The following WDR27 variants were observed in gnomAD, a reference collection of about 807,000 sequenced individuals.
WDR27 encodes WD repeat-containing protein 27.
Under a neutral mutation model 114.4 loss-of-function variants are expected in WDR27, and 100 were observed. That is an observed-to-expected ratio of 0.87 (90% confidence interval 0.74 to 1.03). WDR27 has a LOEUF of 1.03. Among genes scored for constraint, WDR27 ranks in the 50% least tolerant of loss-of-function variants. The pLI is 0.00. For synonymous variants in WDR27, 449 were observed against 423.1 expected, an observed-to-expected ratio of 1.06 and a Z score of -0.75; for missense variants, 1,129 against 1,092.9, an observed-to-expected ratio of 1.03 and a Z score of -0.47.
chr6:169,661,162 C>T lies in WDR27; in HGVS notation c.1026-396G>A, dbSNP rs374893444. 8.5e-5 allele frequency among the ~76,000 whole-genome samples: 13 copies of T among 152,358 alleles called. No homozygotes were observed. In the East Asian group the frequency reaches 1.5e-3, roughly 18 times the overall value. On this transcript the variant is annotated intron_variant, in intron 9 of 25. Transcript: ENST00000448612. ...GCATTTGTGGTGATCCCCTGGGCAC[C>T]TGCTAATGTCTGTGAAGACGCTCGC... is the stretch of plus-strand genomic sequence containing the variant.
chr6:169,627,412 T>C (rs1455114192), intron 21 of WDR27, among the ~76,000 whole-genome samples: 1 of 152,202 alleles, frequency 6.6e-6, no homozygotes, highest in African/African-American at 2.4e-5. Context: ...AGAATAAAGC[T>C]AAATGTAAAC....
At chr6:169,572,569 A>AAAAAT (rs1801634795) in intron 24 of WDR27, 29 bp from the exon 25 acceptor site, 1 of 144,654 alleles carries the variant, frequency 6.9e-6, no homozygotes, top group African/African-American at 2.5e-5. Flanking sequence ...AAAAAAAAAA[A>AAAAAT]TTAGAAGAAT....
At chr6:169,485,194 T>C (rs1788718590) in intron 25 of WDR27, among the ~76,000 whole-genome samples, 1 of 152,218 alleles carries the variant, frequency 6.6e-6, no homozygotes, top group South Asian at 2.1e-4. Flanking sequence ...CTAAGGAGCT[T>C]CTGCACAGCA....
chr6:169,694,995 CGGCCA>C (rs1269754987), intron 1 of WDR27, among the ~76,000 whole-genome samples: 1 of 152,198 alleles, frequency 6.6e-6, no homozygotes, highest in Non-Finnish European at 1.5e-5. Context: ...CACTGAGTCC[CGGCCA>C]GCAGAGGGAG....
intron 25 of WDR27, among the ~76,000 whole-genome samples, chr6:169,502,160 G>A (rs545422028): frequency 6.6e-6 from 1 of 152,226 alleles, no homozygotes; most frequent in South Asian, 2.1e-4. Flanking sequence ...AGGGAGGGCA[G>A]GAGAGCAGCA....
chr6:169,577,429 C>G (rs1343036394), intron 24 of WDR27, among the ~76,000 whole-genome samples: 2 of 150,604 alleles, frequency 1.3e-5, no homozygotes, highest in South Asian at 4.2e-4. Context: ...GGTATGGCTG[C>G]GTCGGGGGCC....
intron 25 of WDR27, among the ~76,000 whole-genome samples, chr6:169,555,739 A>G (rs1388742491): frequency 6.6e-6 from 1 of 152,190 alleles, no homozygotes; most frequent in Non-Finnish European, 1.5e-5. Flanking sequence ...ATAACTAATA[A>G]CAACCATACC....
In WDR27 at chr6:169,575,996, T is replaced by G. The variant is rs73790031; in HGVS notation, c.2524-3456A>C. ...TCTGCCATGCGTTCCTGAAGAAGCG[T>G]TGCTATTTCAGAGACGTGTCTGATA... On this transcript the variant is annotated intron_variant, in intron 24 of 25. Coordinates refer to ENST00000448612, the MANE Select transcript of WDR27 (RefSeq NM_182552.5). Among the ~76,000 whole-genome samples the G allele has an allele frequency of 7.9e-5, 12 of 152,346 alleles. No homozygotes were observed. The South Asian group carries it at 8.3e-4, about 11-fold the overall frequency.
chr6:169,676,251 T>C (rs1780041824), intron 2 of WDR27, among the ~76,000 whole-genome samples: 1 of 152,156 alleles, frequency 6.6e-6, no homozygotes, highest in South Asian at 2.1e-4. Context: ...AGGACTAAAC[T>C]CTGACCTTTT....
At chr6:169,535,823 T>G (rs1796136550) in intron 25 of WDR27, among the ~76,000 whole-genome samples, 1 of 152,212 alleles carries the variant, frequency 6.6e-6, no homozygotes, top group African/African-American at 2.4e-5. Context: ...CTGTACACAC[T>G]GTAAATGATA....
intron 25 of WDR27, among the ~76,000 whole-genome samples, chr6:169,497,134 C>A (rs936327322): frequency 2.6e-5 from 4 of 152,080 alleles, no homozygotes; most frequent in Non-Finnish European, 5.9e-5. Context: ...AATAAACCCT[C>A]ACATATATGG....
intron 13 of WDR27, among the ~76,000 whole-genome samples, chr6:169,657,063 G>A (rs992095941): frequency 1.3e-4 from 20 of 152,188 alleles, no homozygotes; most frequent in African/African-American, 4.1e-4. Context: ...CACACCGACA[G>A]TGGGTCTTTC....
intron 25 of WDR27, among the ~76,000 whole-genome samples, chr6:169,520,017 C>T (rs1332344011): frequency 1.3e-5 from 2 of 152,114 alleles, no homozygotes; most frequent in African/African-American, 4.8e-5. Context: ...CTCCCTAAAC[C>T]CCTGGGAAGC....
At chr6:169,666,531 G>A in intron 6 of WDR27, 1 of 985,542 alleles carries the variant, frequency 1.0e-6, no homozygotes, top group African/African-American at 1.7e-5. Flanking sequence ...ATGCCAGGAG[G>A]ACAAGCACAG....
intron 16 of WDR27, among the ~76,000 whole-genome samples, chr6:169,646,747 CAAAAAAA>C (rs201219275): frequency 2.5e-5 from 2 of 78,566 alleles, no homozygotes; most frequent in Admixed American, 1.1e-4. Flanking sequence ...GTCTCTGTCT[CAAAAAAA>C]AAAAAAAAAG....
At chr6:169,627,551 G>A (rs1471681882) in intron 21 of WDR27, among the ~76,000 whole-genome samples, 1 of 152,122 alleles carries the variant, frequency 6.6e-6, no homozygotes, top group Non-Finnish European at 1.5e-5. Context: ...GTACTGGAGC[G>A]CCATTCACCA....
the WDR27 span, among the ~76,000 whole-genome samples, chr6:169,436,579 A>G: frequency 5.3e-5 from 8 of 152,106 alleles, no homozygotes; most frequent in African/African-American, 1.7e-4. Context: ...AGCTCTGTCT[A>G]ATGTCTCAGT....
chr6:169,560,548 G>C (rs540227068), intron 25 of WDR27, among the ~76,000 whole-genome samples: 1 of 152,184 alleles, frequency 6.6e-6, no homozygotes, highest in Admixed American at 6.5e-5. Flanking sequence ...CCAAGGTGTC[G>C]GGCACAGCCA....
At chr6:169,621,285 CAT>C (rs1314090087) in intron 21 of WDR27, among the ~76,000 whole-genome samples, 7 of 151,360 alleles carry the variant, frequency 4.6e-5, no homozygotes, top group Admixed American at 1.3e-4. Flanking sequence ...CACACACACA[CAT>C]GCACGCACGC....
Sources: allele counts gnomAD v4.1 joint callset (sites outside exome capture counted in the v4.1 genomes callset), GRCh38; gene constraint gnomAD v4.1.1; transcripts MANE v1.5; gene names NCBI Gene and HGNC (gene_info 2026-07-23, HGNC 2026-07-21).